UBASH3A: variants seen among roughly 807,000 people sequenced by gnomAD.
The protein encoded by UBASH3A is ubiquitin associated and SH3 domain containing A.
Under a neutral mutation model 73.5 loss-of-function variants are expected in UBASH3A, and 63 were observed. The ratio of observed to expected loss-of-function variants is 0.86; its 90% CI spans 0.70 to 1.06. The LOEUF (loss-of-function observed/expected upper bound fraction) is 1.06, where lower values mean the gene tolerates loss of function less well. UBASH3A is among the 50% of genes least tolerant of loss of function. The probability of loss-of-function intolerance (pLI) is 0.00; values close to 1 mark genes in which losing one functional copy is unlikely to be tolerated. For synonymous variants in UBASH3A, 363 were observed against 351.1 expected, an observed-to-expected ratio of 1.03 and a Z score of -0.38; for missense variants, 860 against 859.0, an observed-to-expected ratio of 1.00 and a Z score of -0.02.
intron 7 of UBASH3A, among the ~76,000 whole-genome samples, chr21:42,424,240 G>A (rs762820453): frequency 6.6e-6 from 1 of 151,968 alleles, no homozygotes; most frequent in African/African-American, 2.4e-5. Flanking sequence ...ACCTGCAGGC[G>A]CACCAGGAGG....
At chr21:42,446,008 C>T (rs185699528) in intron 14 of UBASH3A, among the ~76,000 whole-genome samples, 1 of 152,264 alleles carries the variant, frequency 6.6e-6, no homozygotes. Context: ...CCCCGCTTCC[C>T]ACAGTCCCAT....
chr21:42,420,050 C>A (rs147684588), intron 7 of UBASH3A, among the ~76,000 whole-genome samples: 55 of 152,248 alleles, frequency 3.6e-4, no homozygotes, highest in South Asian at 1.9e-3. Flanking sequence ...TAGAGTAGCA[C>A]CCCATTCCTG....
At chr21:42,432,073 A>G (rs2053541401) in intron 8 of UBASH3A, 30 bp from the exon 9 acceptor site, 2 of 1,449,208 alleles carry the variant, frequency 1.4e-6, no homozygotes, top group Admixed American at 1.7e-5. Context: ...GTTAAACTGC[A>G]TGTGCCTTGC....
rs1388200725 is a variant in UBASH3A at position 42,413,287 on chromosome 21, G to C, written c.553+65G>C. 3 of 1,591,084 alleles carry C rather than the reference G, an allele frequency of 1.9e-6. No homozygotes were observed. Among genetic ancestry groups the C allele is most frequent in the Non-Finnish European group, 2.6e-6 (3 of 1,160,914 alleles). ...CACAGTGAGTGAGCCCTCTGTGGCA[G>C]GGACTAGCCCCCGGCACATGGATGC... On this transcript the variant is annotated intron_variant, in intron 4 of 14. Transcript: ENST00000319294. This position sits in a 1 kb window ranked among gnomAD's most constrained non-coding sequence, Gnocchi z 4.5.
intron 6 of UBASH3A, among the ~76,000 whole-genome samples, chr21:42,416,976 A>G (rs1395079995): frequency 6.6e-6 from 1 of 151,962 alleles, no homozygotes; most frequent in Non-Finnish European, 1.5e-5. Flanking sequence ...GACAGCATGT[A>G]CCCCCTGGAG....
chr21:42,413,489 AG>A lies in UBASH3A; in HGVS notation c.634del (p.Ala212ProfsTer4), dbSNP rs1350157208. On this transcript the variant is annotated frameshift_variant, in exon 5 of 15. Transcript: ENST00000319294. LOFTEE classifies it high-confidence loss of function. The surrounding 1 kb of genome is among the most constrained non-coding windows in gnomAD (Gnocchi z 4.5). ...PNLRLSNLTR[A>X]SFVSHYILQK... The stretch of plus-strand genomic sequence containing the variant: ...ACCTGAGGCTGAGCAATTTAACTAG[AG>A]CCTCCTTCGTGAGCCACTACATCCT... The A allele has an allele frequency of 2.5e-6, 4 of 1,614,074 alleles. No individual in the cohort carries two copies. In the South Asian group the frequency reaches 4.4e-5, roughly 18 times the overall value.
chr21:42,438,619 A>G (rs2053671560), intron 11 of UBASH3A, among the ~76,000 whole-genome samples: 1 of 152,008 alleles, frequency 6.6e-6, no homozygotes, highest in Non-Finnish European at 1.5e-5. Context: ...GGACAGGAAG[A>G]CTTGAGGGCA....
chr21:42,437,076 G>A (rs760855295), intron 10 of UBASH3A, among the ~76,000 whole-genome samples: 5 of 152,236 alleles, frequency 3.3e-5, no homozygotes, highest in Admixed American at 2.6e-4. Flanking sequence ...TGTTAGCTGG[G>A]GGCTGCTCCC....
chr21:42,410,494 C>A, intron 3 of UBASH3A: 1 of 419,462 alleles, frequency 2.4e-6, no homozygotes, highest in Non-Finnish European at 4.2e-6. Context: ...TGGAAGATGT[C>A]CCAGGAGAAG....
chr21:42,437,014 G>A lies in UBASH3A; in HGVS notation c.1394-474G>A, dbSNP rs533195830. Among the ~76,000 whole-genome samples, 69 of 152,342 alleles carry A rather than the reference G, an allele frequency of 4.5e-4. 1 individual carries two copies. The highest frequency in any genetic ancestry group is 3.4e-3 in the Middle Eastern group (1 of 294). On this transcript the variant is annotated intron_variant, in intron 10 of 14. Coordinates refer to ENST00000319294, the MANE Select transcript of UBASH3A (RefSeq NM_018961.4). The stretch of plus-strand genomic sequence containing the variant: ...CTCCTTCCAGACTCATTCTGCTGTT[G>A]GCCAAATTCAGATCCTTGCAGTGGG...
intron 12 of UBASH3A, 37 bp from the exon 13 acceptor site, chr21:42,443,275 G>A: frequency 6.3e-7 from 1 of 1,595,446 alleles, no homozygotes; most frequent in South Asian, 1.1e-5. Flanking sequence ...CCCTACGAAA[G>A]TGCCAGGGCA....
Position 42,413,544 on chromosome 21 carries a change from C to A in UBASH3A, c.667+21C>A. On this transcript the variant is annotated intron_variant, in intron 5 of 14. Coordinates refer to ENST00000319294, the MANE Select transcript of UBASH3A (RefSeq NM_018961.4). This position sits in a 1 kb window ranked among gnomAD's most constrained non-coding sequence, Gnocchi z 4.5. The stretch of plus-strand genomic sequence containing the variant: ...AAAATGTAAGCCATTAGAAAGCTTC[C>A]GGACCAGCTTTGGTCTTCTCTTTAG... The A allele has an allele frequency of 6.4e-7, 1 of 1,559,438 alleles. No homozygotes were observed. The highest frequency in any genetic ancestry group is 1.1e-5 in the South Asian group (1 of 89,172).
intron 7 of UBASH3A, among the ~76,000 whole-genome samples, chr21:42,424,925 G>A (rs947056406): frequency 2.6e-5 from 4 of 152,176 alleles, no homozygotes; most frequent in African/African-American, 7.2e-5. Flanking sequence ...GTGAGGAAAC[G>A]AGGAGAAGTA....
At position 42,415,834 on chromosome 21, in the gene UBASH3A, T is replaced by C. The variant is rs1170563594; in HGVS notation, c.668-608T>C. On this transcript the variant is annotated intron_variant, in intron 5 of 14. Transcript: ENST00000319294. ...ACCGCCTCCCTAGGACATAAAATAC[T>C]TTGTGGCTCAACTGAAATCAGATCC... Among the ~76,000 whole-genome samples, 3 of 152,190 alleles carry C rather than the reference T, an allele frequency of 2.0e-5. No homozygotes were observed. The East Asian group carries it at 5.8e-4, about 29-fold the overall frequency.
rs60999572 is a variant in UBASH3A, at chr21:42,408,326, T to C, written c.168-1096T>C. Among the ~76,000 whole-genome samples, 1,335 of 152,346 alleles carry C rather than the reference T, an allele frequency of 8.8e-3. 22 individuals carry two copies. The highest frequency in any genetic ancestry group is 0.03 in the African/African-American group (1,267 of 41,576). ...TCTAATGAATGCACGGTAAATAGAT[T>C]TGCTATCAGTTATGGAGTTTTTCTT... On this transcript the variant is annotated intron_variant, in intron 2 of 14. Coordinates refer to ENST00000319294, the MANE Select transcript of UBASH3A (RefSeq NM_018961.4).
chr21:42,417,878 CTTTTTTTTTTTTTTT>C (rs796939696), intron 6 of UBASH3A, among the ~76,000 whole-genome samples: 1 of 90,634 alleles, frequency 1.1e-5, no homozygotes, highest in Non-Finnish European at 2.1e-5. Context: ...TTCTTTTTTT[CTTTTTTTTTTTTTTT>C]TTTTTTTGAG....
chr21:42,417,624 C>A (rs1368062136), intron 6 of UBASH3A: 1 of 151,996 alleles, frequency 6.6e-6, no homozygotes, highest in Non-Finnish European at 1.5e-5. Flanking sequence ...TTGAGTGAAA[C>A]CTCATTCTGG....
intron 8 of UBASH3A, among the ~76,000 whole-genome samples, chr21:42,428,628 T>G (rs1035267756): frequency 7.2e-5 from 11 of 152,060 alleles, no homozygotes; most frequent in Admixed American, 1.3e-4. Context: ...TTAATCTCAT[T>G]TTTAAAAAAT....
At chr21:42,440,337 T>A (rs2053719466) in intron 11 of UBASH3A, among the ~76,000 whole-genome samples, 1 of 152,236 alleles carries the variant, frequency 6.6e-6, no homozygotes, top group Admixed American at 6.5e-5. Context: ...GGGTGGCTCT[T>A]AATAACTATG....
Sources: gnomAD v4.1 joint callset for allele counts (sites outside exome capture counted in the v4.1 genomes callset) on GRCh38, gnomAD v4.1.1 for gene constraint, Gnocchi (gnomAD v3.1) non-coding constraint, MANE v1.5 for transcripts, NCBI Gene and HGNC (gene_info 2026-07-23, HGNC 2026-07-21) for gene names.